The following CD200R1 variants were observed in gnomAD, a reference collection of about 807,000 sequenced individuals.
CD200R1 encodes CD200 receptor 1, also known as cell surface glycoprotein CD200 receptor 1.
In CD200R1, 30 loss-of-function variants were observed where a neutral mutation model predicts 38.1. The ratio of observed to expected loss-of-function variants is 0.79; its 90% confidence interval spans 0.59 to 1.07. The LOEUF (loss-of-function observed/expected upper bound fraction) is 1.07, where lower values mean the gene tolerates loss of function less well. Among genes scored for constraint, CD200R1 ranks in the 50% least tolerant of loss-of-function variants. The pLI, the probability that CD200R1 is intolerant of heterozygous loss-of-function variation, is 0.00. For missense variants in CD200R1, 372 were observed against 415.4 expected, an observed-to-expected ratio of 0.90 and a Z score of 0.91; for synonymous variants, 128 against 152.1, an observed-to-expected ratio of 0.84 and a Z score of 1.16.
At chr3:112,925,651 TGGTGCA>T (rs544672177) in intron 5 of CD200R1, among the ~76,000 whole-genome samples, 2 of 152,102 alleles carry the variant, frequency 1.3e-5, no homozygotes, top group Non-Finnish European at 2.9e-5. Context: ...TGTAACACTC[TGGTGCA>T]GGTGTAGGTG....
chr3:112,953,957 T>C (rs1216144643), intron 1 of CD200R1, among the ~76,000 whole-genome samples: 1 of 152,148 alleles, frequency 6.6e-6, no homozygotes, highest in African/African-American at 2.4e-5. Context: ...TATGTTCTGA[T>C]ATTTATTCTT....
Position 112,921,762 on chromosome 3 carries a change from T to A in CD200R1, c.*1915A>T, listed in dbSNP as rs1347028991. On this transcript the variant is annotated 3_prime_UTR_variant, in exon 8 of 8. Coordinates refer to ENST00000308611, the MANE Select transcript of CD200R1 (RefSeq NM_138806.4). ...CCCCATAGTAGAGATTTTCATACAA[T>A]TATTTTCTGTACAATATAATTTAAC... The A allele has an allele frequency of 6.6e-6, 1 of 152,090 alleles. No homozygotes were observed. The highest frequency in any genetic ancestry group is 6.6e-5 in the Admixed American group (1 of 15,246). 9.4% of individuals were successfully genotyped at this position (152,090 alleles called of 1,614,324 possible). A position where few individuals can be genotyped will look rare whatever the true frequency, so the allele number is the denominator to read the frequency against.
At chr3:112,963,885 GT>G (rs1230284792) in intron 1 of CD200R1, among the ~76,000 whole-genome samples, 1 of 152,136 alleles carries the variant, frequency 6.6e-6, no homozygotes. Context: ...GAAAAAAATG[GT>G]TTTGTGGGCC....
chr3:112,931,180 T>G lies in CD200R1; in HGVS notation c.137-9A>C. ...ACATAAACTGCTTGAAGCTAGAAAATATTTAGAGAAGAATAAATGAAATCA... is the reference window on the plus strand; with the variant it reads ...ACATAAACTGCTTGAAGCTAGAAAAGATTTAGAGAAGAATAAATGAAATCA... On this transcript the variant is annotated splice_polypyrimidine_tract_variant and intron_variant, in intron 2 of 7. Transcript: ENST00000308611. 1 of 1,554,030 alleles carries G rather than the reference T, an allele frequency of 6.4e-7. No individual in the cohort carries two copies. Among genetic ancestry groups the G allele is most frequent in the Non-Finnish European group, 8.9e-7 (1 of 1,125,400 alleles).
intron 2 of CD200R1, 30 bp downstream of exon 2, chr3:112,947,826 C>A (rs1414601036): frequency 1.3e-6 from 2 of 1,485,118 alleles, no homozygotes; most frequent in African/African-American, 1.4e-5. Context: ...CACTCCCCTA[C>A]TAGAATTATT....
intron 1 of CD200R1, among the ~76,000 whole-genome samples, chr3:112,974,371 G>T (rs1328048966): frequency 6.6e-6 from 1 of 152,164 alleles, no homozygotes; most frequent in Admixed American, 6.5e-5. Context: ...TGGAGTTACA[G>T]GCTGCAGTGA....
At chr3:112,965,549 T>TCAACAGATGGAGACCATCCTGGA (rs1247620090) in intron 1 of CD200R1, among the ~76,000 whole-genome samples, 15 of 151,926 alleles carry the variant, frequency 9.9e-5, no homozygotes, top group Admixed American at 3.9e-4. Flanking sequence ...GATCACGAGG[T>TCAACAGATGGAGACCATCCTGGA]CAACAGATGG....
At chr3:112,929,584 A>G in intron 3 of CD200R1, 77 bp from the exon 4 acceptor site, 1 of 1,279,948 alleles carries the variant, frequency 7.8e-7, no homozygotes, top group Non-Finnish European at 1.1e-6. Context: ...CAACATATGA[A>G]GTTACACTAG....
chr3:112,951,305 A>C (rs1381985737), intron 1 of CD200R1, among the ~76,000 whole-genome samples: 2 of 152,102 alleles, frequency 1.3e-5, no homozygotes, highest in Non-Finnish European at 2.9e-5. Context: ...TTTGAAACCT[A>C]CTTAAGAATA....
chr3:112,946,051 AAGG>A (rs201654720), intron 2 of CD200R1, among the ~76,000 whole-genome samples: 4,345 of 149,994 alleles, frequency 0.029, 114 homozygotes, highest in Non-Finnish European at 0.048. Context: ...AAAAAAAAAA[AAGG>A]AGAACGAAAA....
At chr3:112,950,227 TA>T (rs1181547070) in intron 1 of CD200R1, among the ~76,000 whole-genome samples, 1 of 151,966 alleles carries the variant, frequency 6.6e-6, no homozygotes, top group African/African-American at 2.4e-5. Flanking sequence ...ATAATAGATG[TA>T]AAATAAGTAA....
At position 112,929,016 on chromosome 3, in the gene CD200R1, C is replaced by T. The variant is rs1219359466; in HGVS notation, c.569G>A (p.Cys190Tyr). ...AGCTGGCTTCCCTGCAACTGCCTTG[C>T]ATACTGCAGTTCTATTCCTGTTTTG... ...LFQNRNRTAV[C>Y]KAVAGKPAAH... is the part of the protein sequence containing the mutation. The change falls in exon 5 of 8, where the codon TGC (cysteine) becomes TAC (tyrosine). Residue 190 changes from cysteine (C) to tyrosine (Y), a missense_variant. Transcript: ENST00000308611. 7.4e-6 allele frequency: 12 copies of T among 1,613,822 alleles called. No individual in the cohort carries two copies. The highest frequency in any genetic ancestry group is 2.7e-5 in the African/African-American group (2 of 74,916).
Position 112,942,576 on chromosome 3 carries a change from A to G in CD200R1, c.136+5280T>C, listed in dbSNP as rs141586454. On this transcript the variant is annotated intron_variant, in intron 2 of 7. Transcript: ENST00000308611. ...AATAGGAACAAAGAACAGAGGCACT[A>G]AAAGAAAACAGTAACAACTGTGGTA... Among the ~76,000 whole-genome samples, 124 of 151,746 alleles carry G rather than the reference A, an allele frequency of 8.2e-4. 1 individual carries two copies. The highest frequency in any genetic ancestry group is 2.8e-3 in the African/African-American group (117 of 41,536).
chr3:112,958,732 A>C (rs1447252037), intron 1 of CD200R1, among the ~76,000 whole-genome samples: 1 of 152,180 alleles, frequency 6.6e-6, no homozygotes, highest in African/African-American at 2.4e-5. Context: ...AATAAACACA[A>C]AACAAAATAT....
At chr3:112,931,273 G>C in intron 2 of CD200R1, 102 bp from the exon 3 acceptor site, 1 of 654,414 alleles carries the variant, frequency 1.5e-6, no homozygotes. Flanking sequence ...TAGGCAATCA[G>C]TTAACCATAA....
At chr3:112,932,574 C>T (rs1395260741) in intron 2 of CD200R1, among the ~76,000 whole-genome samples, 2 of 152,000 alleles carry the variant, frequency 1.3e-5, no homozygotes, top group Non-Finnish European at 2.9e-5. Context: ...CATGCCCTCA[C>T]TCAAGGCCTG....
intron 3 of CD200R1, among the ~76,000 whole-genome samples, chr3:112,930,401 A>G (rs766287673): frequency 3.9e-5 from 6 of 152,166 alleles, no homozygotes; most frequent in Non-Finnish European, 7.3e-5. Flanking sequence ...TAGCTCACAG[A>G]TTTTATTTCT....
At chr3:112,933,175 C>T (rs745991103) in intron 2 of CD200R1, among the ~76,000 whole-genome samples, 1 of 152,178 alleles carries the variant, frequency 6.6e-6, no homozygotes, top group Non-Finnish European at 1.5e-5. Context: ...CCCAGACTGG[C>T]CGAGTGGCTG....
Position 112,929,213 on chromosome 3 carries a change from C to A in CD200R1, c.497G>T (p.Arg166Leu). 4 of 1,614,166 alleles carry A rather than the reference C, an allele frequency of 2.5e-6. No homozygotes were observed. Among genetic ancestry groups the A allele is most frequent in the Admixed American group, 1.7e-5 (1 of 60,022 alleles). ...IMVTPDGNFH[R>L]GYHLQVLVTP... ...ACCTAACACTTGGAGGTGATATCCA[C>A]GATGGAAATTCCCATCAGGTGTTAC... The change falls in exon 4 of 8, where the codon CGT becomes CTT. Residue 166 changes from arginine (R) to leucine (L), a missense_variant. Arg to Leu is a moderately radical substitution (Grantham distance 102). Coordinates refer to ENST00000308611, the MANE Select transcript of CD200R1 (RefSeq NM_138806.4).
Sources: allele counts gnomAD v4.1 joint callset (sites outside exome capture counted in the v4.1 genomes callset), GRCh38; gene constraint gnomAD v4.1.1; transcripts MANE v1.5; gene names NCBI Gene and HGNC (gene_info 2026-07-23, HGNC 2026-07-21).